Variants in RIMS2 observed in about 807,000 individuals in gnomAD.
RIMS2 encodes the protein regulating synaptic membrane exocytosis protein 2.
A neutral mutation model predicts 174.4 loss-of-function variants in RIMS2; 59 were observed. The ratio of observed to expected loss-of-function variants is 0.34; its 90% CI spans 0.27 to 0.42. RIMS2 has a LOEUF of 0.42. RIMS2 is among the 10% of genes least tolerant of loss of function. The pLI, the probability that RIMS2 is intolerant of heterozygous loss-of-function variation, is 1.00. For synonymous variants in RIMS2, 606 were observed against 572.5 expected (o/e 1.06, Z -0.84); for missense variants, 1,620 against 1,666.3 (o/e 0.97, Z 0.48).
exon 4 of RIMS2, chr8:103,885,988 C>T: frequency 6.2e-7 from 1 of 1,613,008 alleles, no homozygotes. Context: ...TAGATCCTAG[C>T]TCTGCTGTAA....
chr8:103,852,147 T>G (rs1430024340), intron 3 of RIMS2, among the ~76,000 whole-genome samples: 3 of 151,964 alleles, frequency 2.0e-5, no homozygotes. Context: ...CCAGCAAGAT[T>G]GGATCCTGTT....
At chr8:103,850,897 G>T (rs2098994246) in intron 3 of RIMS2, among the ~76,000 whole-genome samples, 1 of 151,982 alleles carries the variant, frequency 6.6e-6, no homozygotes, top group Admixed American at 6.6e-5. Context: ...AGTATAAGGT[G>T]CATTAGATAT....
chr8:103,786,529 C>T (rs1412932569), intron 3 of RIMS2, among the ~76,000 whole-genome samples: 1 of 152,062 alleles, frequency 6.6e-6, no homozygotes, highest in African/African-American at 2.4e-5. Context: ...TCGTTATGTA[C>T]CCAGTAGTCA....
intron 1 of RIMS2, among the ~76,000 whole-genome samples, chr8:103,542,441 C>A (rs1563707534): frequency 6.6e-6 from 1 of 152,280 alleles, no homozygotes; most frequent in South Asian, 2.1e-4. Flanking sequence ...CTTTCTCAAA[C>A]TTCTCAAAAA....
chr8:104,187,590 C>A (rs932713784), intron 19 of RIMS2, among the ~76,000 whole-genome samples: 2 of 151,738 alleles, frequency 1.3e-5, no homozygotes, highest in African/African-American at 4.8e-5. Flanking sequence ...TCTCTTCCAA[C>A]ATTAAAAGCA....
intron 13 of RIMS2, among the ~76,000 whole-genome samples, chr8:103,938,582 T>G (rs2081836399): frequency 6.6e-6 from 1 of 152,016 alleles, no homozygotes; most frequent in Non-Finnish European, 1.5e-5. Flanking sequence ...CTCCCAAATC[T>G]CATGTCGTCA....
intron 19 of RIMS2, among the ~76,000 whole-genome samples, chr8:104,232,228 G>A (rs2099234344): frequency 6.6e-6 from 1 of 152,182 alleles, no homozygotes; most frequent in African/African-American, 2.4e-5. Context: ...ATTGTGGAAT[G>A]AAAAGAAGCT....
intron 19 of RIMS2, among the ~76,000 whole-genome samples, chr8:104,213,888 A>AAG (rs1554626688): frequency 4.0e-4 from 59 of 148,184 alleles, no homozygotes; most frequent in Non-Finnish European, 6.1e-4. Context: ...AAAAAAAAAA[A>AAG]AAGAAGAAGA....
chr8:103,863,985 T>C (rs1252015514), intron 3 of RIMS2, among the ~76,000 whole-genome samples: 4 of 151,716 alleles, frequency 2.6e-5, no homozygotes, highest in African/African-American at 9.7e-5. Flanking sequence ...CTTGGCTCAC[T>C]GCAACCTCCG....
At chr8:103,737,566 G>A (rs1410473489) in intron 2 of RIMS2, among the ~76,000 whole-genome samples, 1 of 152,010 alleles carries the variant, frequency 6.6e-6, no homozygotes, top group Non-Finnish European at 1.5e-5. Flanking sequence ...TTTTCAAAAT[G>A]CAATCAGATT....
intron 1 of RIMS2, among the ~76,000 whole-genome samples, chr8:103,599,492 G>T (rs543019319): frequency 1.1e-4 from 17 of 150,670 alleles, no homozygotes; most frequent in African/African-American, 4.1e-4. Flanking sequence ...TGATTGTCAT[G>T]CAGGGGTGTG....
chr8:103,754,460 C>G (rs1285427300), intron 2 of RIMS2, among the ~76,000 whole-genome samples: 1 of 152,124 alleles, frequency 6.6e-6, no homozygotes, highest in Non-Finnish European at 1.5e-5. Context: ...TGGTGCAGAG[C>G]TGAGTTCAAT....
chr8:103,746,425 A>G (rs2097816227), intron 2 of RIMS2, among the ~76,000 whole-genome samples: 1 of 152,154 alleles, frequency 6.6e-6, no homozygotes, highest in Non-Finnish European at 1.5e-5. Context: ...GGTATATTTT[A>G]AAGACTAGCT....
Position 104,153,431 on chromosome 8 carries a change from T to C in RIMS2, c.3335-91485T>C, listed in dbSNP as rs1415816899. On this transcript the variant is annotated intron_variant, in intron 19 of 23. Transcript: ENST00000504942. ...TCTATAAAGATAATATTTTTAAATG[T>C]AAGAAAAGTACATTAAAATCACATG... Among the ~76,000 whole-genome samples the C allele has an allele frequency of 2.0e-5, 3 of 152,256 alleles. No individual in the cohort carries two copies. In the East Asian group the frequency reaches 5.8e-4, roughly 29 times the overall value.
chr8:103,670,054 C>T (rs2096726060), intron 1 of RIMS2, among the ~76,000 whole-genome samples: 1 of 152,256 alleles, frequency 6.6e-6, no homozygotes, highest in East Asian at 1.9e-4. Context: ...CTAGGCGTCT[C>T]CATACATCCT....
intron 19 of RIMS2, chr8:104,223,382 A>AC: frequency 8.1e-7 from 1 of 1,230,288 alleles, no homozygotes; most frequent in Non-Finnish European, 1.0e-6. Flanking sequence ...CCCGGGCGAG[A>AC]CCTCGGACGT....
chr8:103,792,910 T>C (rs1252044991), intron 3 of RIMS2, among the ~76,000 whole-genome samples: 2 of 151,970 alleles, frequency 1.3e-5, no homozygotes, highest in East Asian at 3.9e-4. Context: ...AATAGACCAA[T>C]AACAGGCTCT....
chr8:103,584,354 A>C (rs929382762), intron 1 of RIMS2, among the ~76,000 whole-genome samples: 1 of 152,126 alleles, frequency 6.6e-6, no homozygotes, highest in African/African-American at 2.4e-5. Flanking sequence ...TACTTCAATC[A>C]GAAAGAAGAG....
intron 1 of RIMS2, among the ~76,000 whole-genome samples, chr8:103,659,443 AGGGCCCCAGG>A (rs1437184062): frequency 6.6e-6 from 1 of 152,146 alleles, no homozygotes; most frequent in Non-Finnish European, 1.5e-5. Flanking sequence ...TGCACTGCTC[AGGGCCCCAGG>A]AAGAAGGTAG....
Sources: allele counts gnomAD v4.1 joint callset (sites outside exome capture counted in the v4.1 genomes callset), GRCh38; gene constraint gnomAD v4.1.1; transcripts MANE v1.5; gene names NCBI Gene and HGNC (gene_info 2026-07-23, HGNC 2026-07-21).